SERPINB11: variants seen among roughly 807,000 people sequenced by gnomAD.
SERPINB11 encodes serpin family B member 11.
Under a neutral mutation model 36.7 loss-of-function variants are expected in SERPINB11, and 32 were observed. The ratio of observed to expected loss-of-function variants is 0.87; its 90% CI spans 0.66 to 1.17. The LOEUF (loss-of-function observed/expected upper bound fraction) is 1.17. Ranked by LOEUF, SERPINB11 falls within the 50% of genes most tolerant of loss-of-function variation. The probability of loss-of-function intolerance (pLI) is 0.00; values close to 1 mark genes in which losing one functional copy is unlikely to be tolerated. For missense variants in SERPINB11, 528 were observed against 458.4 expected, an observed-to-expected ratio of 1.15 and a Z score of -1.39; for synonymous variants, 174 against 168.1, an observed-to-expected ratio of 1.04 and a Z score of -0.27.
rs375594577 is a variant in SERPINB11 at position 63,716,052 on chromosome 18, T to C, written c.375T>C (p.Ser125=). 2 of 1,609,714 alleles carry C rather than the reference T, an allele frequency of 1.2e-6. No homozygotes were observed. The highest frequency in any genetic ancestry group is 1.7e-6 in the Non-Finnish European group (2 of 1,177,052). Residue 125 remains serine (S), a synonymous_variant, in exon 5 of 8, where the codon TCT becomes TCC. Coordinates refer to ENST00000544088, the MANE Select transcript of SERPINB11 (RefSeq NM_001370475.1). ...TTTCATAGCAATATTTAAGCTGTTC[T>C]GAGAAATGGTATCAAGCCAGGTTGC... ...MAFHQQYLSC[S]EKWYQARLQT... is the part of the protein sequence containing the mutation.
In SERPINB11 at chr18:63,721,728, C is replaced by T. The variant is rs533252416; in HGVS notation, c.774+742C>T. Among the ~76,000 whole-genome samples, 6 of 151,836 alleles carry T rather than the reference C, an allele frequency of 4.0e-5. No homozygotes were observed. In the South Asian group the frequency reaches 6.3e-4, roughly 16 times the overall value. On this transcript the variant is annotated intron_variant, in intron 7 of 7. Transcript: ENST00000544088. The stretch of plus-strand genomic sequence containing the variant: ...ACAGGTGAGCAAAGTGTGTGTGTGT[C>T]GGGTGGTAGGGAAGGCTTCTTGAAA...
chr18:63,722,180 T>C (rs183504205), intron 7 of SERPINB11, among the ~76,000 whole-genome samples: 14 of 152,234 alleles, frequency 9.2e-5, no homozygotes, highest in Admixed American at 5.9e-4. Context: ...GGGCAGAAAA[T>C]GACAAAAGGA....
intron 1 of SERPINB11, chr18:63,705,683 ACT>A (rs1361350383): frequency 2.0e-5 from 3 of 152,108 alleles, no homozygotes; most frequent in Non-Finnish European, 4.4e-5. Context: ...TGTATTCCAA[ACT>A]CTTTTCTTAG....
chr18:63,709,955 A>G (rs1442348874), intron 1 of SERPINB11, among the ~76,000 whole-genome samples: 8 of 152,240 alleles, frequency 5.3e-5, no homozygotes, highest in African/African-American at 1.7e-4. Context: ...GATTTTAACC[A>G]TTGGCTGAAG....
chr18:63,708,266 G>C (rs1190897681), intron 1 of SERPINB11, among the ~76,000 whole-genome samples: 1 of 152,156 alleles, frequency 6.6e-6, no homozygotes, highest in Non-Finnish European at 1.5e-5. Context: ...TGGAGTTTTT[G>C]AGCAGAGGAG....
chr18:63,722,951 C>A, intron 7 of SERPINB11, 44 bp from the exon 8 acceptor site: 1 of 1,492,130 alleles, frequency 6.7e-7, no homozygotes, highest in South Asian at 1.4e-5. Flanking sequence ...ATGTAGAGGT[C>A]GTGTGTTTGA....
intron 3 of SERPINB11, among the ~76,000 whole-genome samples, chr18:63,712,276 G>C (rs1914545429): frequency 6.6e-6 from 1 of 152,190 alleles, no homozygotes; most frequent in African/African-American, 2.4e-5. Flanking sequence ...ACCCCACTAG[G>C]ATCTCTTTAT....
intron 7 of SERPINB11, among the ~76,000 whole-genome samples, chr18:63,722,792 T>G (rs572903543): frequency 1.3e-5 from 2 of 152,128 alleles, no homozygotes. Flanking sequence ...AGCTTAATTA[T>G]GAAATTTAGA....
At chr18:63,706,228 T>A (rs1914369140) in intron 1 of SERPINB11, among the ~76,000 whole-genome samples, 1 of 152,230 alleles carries the variant, frequency 6.6e-6, no homozygotes, top group Non-Finnish European at 1.5e-5. Flanking sequence ...AATTTTCCTA[T>A]ATAAATGTCA....
At chr18:63,710,464 C>A in intron 2 of SERPINB11, 103 bp downstream of exon 2, 3 of 892,978 alleles carry the variant, frequency 3.4e-6, no homozygotes, top group Non-Finnish European at 4.9e-6. Context: ...AAATTGCCAT[C>A]TTGAGAGAGA....
At chr18:63,716,879 A>T (rs1275105599) in intron 5 of SERPINB11, among the ~76,000 whole-genome samples, 2 of 152,106 alleles carry the variant, frequency 1.3e-5, no homozygotes, top group Non-Finnish European at 2.9e-5. Context: ...GATTTTAAAA[A>T]TAAACTTTAT....
intron 1 of SERPINB11, among the ~76,000 whole-genome samples, chr18:63,703,385 C>T (rs772636233): frequency 5.3e-5 from 8 of 152,172 alleles, no homozygotes; most frequent in African/African-American, 1.2e-4. Context: ...ACTATGCTAG[C>T]CTTATTAATT....
chr18:63,706,265 G>A (rs1252843243), intron 1 of SERPINB11, among the ~76,000 whole-genome samples: 1 of 152,220 alleles, frequency 6.6e-6, no homozygotes, highest in Non-Finnish European at 1.5e-5. Context: ...AAGTCCACAA[G>A]TGACATATAT....
chr18:63,708,976 C>T (rs947496868), intron 1 of SERPINB11, among the ~76,000 whole-genome samples: 1 of 152,152 alleles, frequency 6.6e-6, no homozygotes, highest in African/African-American at 2.4e-5. Context: ...TGTTTGATGG[C>T]AATGAGGCTC....
chr18:63,702,891 A>C (rs1245673466), upstream of SERPINB11: 1 of 151,548 alleles, frequency 6.6e-6, no homozygotes, highest in African/African-American at 2.4e-5. Context: ...CTGAATCACT[A>C]AGGGCACAAA....
upstream of SERPINB11, chr18:63,702,711 A>G (rs1411245715): frequency 6.6e-6 from 1 of 152,170 alleles, no homozygotes; most frequent in African/African-American, 2.4e-5. Context: ...GGGTCTCACT[A>G]TGTTGCCCAG....
chr18:63,723,521 C>T lies in SERPINB11; in HGVS notation c.*122C>T. On this transcript the variant is annotated 3_prime_UTR_variant, in exon 8 of 8. Coordinates refer to ENST00000544088, the MANE Select transcript of SERPINB11 (RefSeq NM_001370475.1). ...CTCTGTGCCTCAGTTTGCTCATCTG[C>T]AAAATAGGTCTAGGATTTCTTCCAA... 1 of 833,636 alleles carries T rather than the reference C, an allele frequency of 1.2e-6. No individual in the cohort carries two copies. Among genetic ancestry groups the T allele is most frequent in the Non-Finnish European group, 1.9e-6 (1 of 533,472 alleles). The allele number at this position is 833,636 out of a possible 1,614,324, so 51.6% of individuals were successfully genotyped here.
intron 7 of SERPINB11, among the ~76,000 whole-genome samples, chr18:63,722,668 A>G (rs1004762295): frequency 6.6e-6 from 1 of 152,218 alleles, no homozygotes; most frequent in Non-Finnish European, 1.5e-5. Context: ...GAAATGGTTG[A>G]GTCCATCCAC....
At chr18:63,711,870 T>C (rs1356407077) in intron 3 of SERPINB11, among the ~76,000 whole-genome samples, 1 of 152,148 alleles carries the variant, frequency 6.6e-6, no homozygotes, top group Non-Finnish European at 1.5e-5. Flanking sequence ...AACTCCTACA[T>C]GAAAATAGTT....
Sources: allele counts gnomAD v4.1 joint callset (sites outside exome capture counted in the v4.1 genomes callset), GRCh38; gene constraint gnomAD v4.1.1; transcripts MANE v1.5; gene names NCBI Gene and HGNC (gene_info 2026-07-23, HGNC 2026-07-21).